The following GCLC variants were observed in gnomAD, a reference collection of about 807,000 sequenced individuals.
The protein encoded by GCLC is glutamate--cysteine ligase catalytic subunit.
Under a neutral mutation model 81.5 loss-of-function variants are expected in GCLC, and 30 were observed. The ratio of observed to expected loss-of-function variants is 0.37; its 90% CI spans 0.28 to 0.50. The LOEUF (loss-of-function observed/expected upper bound fraction) is 0.50, where lower values mean the gene tolerates loss of function less well. Ranked by LOEUF, GCLC falls within the 20% of genes least tolerant of loss-of-function variation. GCLC has a pLI of 0.96. For synonymous variants in GCLC, 262 were observed against 273.3 expected (o/e 0.96, Z 0.41); for missense variants, 556 against 777.4 (o/e 0.72, Z 3.39).
At chr6:53,537,656 T>TA (rs59965759) in intron 1 of GCLC, among the ~76,000 whole-genome samples, 2 of 148,176 alleles carry the variant, frequency 1.3e-5, no homozygotes, top group South Asian at 2.1e-4. Context: ...TACATAATAT[T>TA]AAAAAAAAGA....
chr6:53,516,340 G>T, intron 3 of GCLC, 118 bp from the exon 4 acceptor site: 1 of 721,742 alleles, frequency 1.4e-6, no homozygotes. Context: ...CTTTTCAGAG[G>T]GCTTTGTGTT....
At chr6:53,543,445 GA>G (rs11290203) in intron 1 of GCLC, among the ~76,000 whole-genome samples, 101,432 of 145,224 alleles carry the variant, frequency 0.7, 34,618 homozygotes, top group East Asian at 0.88. Context: ...CCCAATCTTA[GA>G]AAAAAAAAAA....
intron 6 of GCLC, 198 bp downstream of exon 6, chr6:53,514,004 CAG>C: frequency 1.6e-6 from 1 of 611,674 alleles, no homozygotes. Flanking sequence ...TGGTGAACAA[CAG>C]AGTCTGTAGA....
intron 12 of GCLC, 86 bp from the exon 13 acceptor site, chr6:53,500,599 G>A (rs1182345235): frequency 2.0e-5 from 18 of 922,388 alleles, no homozygotes; most frequent in Non-Finnish European, 3.2e-5. Context: ...TTTGCAATTA[G>A]GACTCATTCC....
chr6:53,535,691 T>C (rs903968123), intron 1 of GCLC, among the ~76,000 whole-genome samples: 5 of 152,110 alleles, frequency 3.3e-5, no homozygotes, highest in Non-Finnish European at 5.9e-5. Context: ...GATACACACA[T>C]GACAAATCGG....
At chr6:53,503,973 T>C (rs948695756) in intron 12 of GCLC, among the ~76,000 whole-genome samples, 1 of 152,172 alleles carries the variant, frequency 6.6e-6, no homozygotes. Context: ...ATAATACTTG[T>C]TTTATGGATG....
chr6:53,531,364 G>A (rs7758764), intron 1 of GCLC, among the ~76,000 whole-genome samples: 25,241 of 152,070 alleles, frequency 0.17, 3,109 homozygotes, highest in Admixed American at 0.33. Flanking sequence ...TTCACAGAGC[G>A]CTTGTTTTAG....
In GCLC at chr6:53,514,500, A is replaced by G. The variant is rs1764824858; in HGVS notation, c.561-3T>C. ...GTCGGATATTTCTTGTTAAGGTACTAAAACAGACAACCAAACGTCATAAAT... is the reference window on the plus strand; with the variant it reads ...GTCGGATATTTCTTGTTAAGGTACTGAAACAGACAACCAAACGTCATAAAT... On this transcript the variant is annotated splice_region_variant and splice_polypyrimidine_tract_variant and intron_variant, in intron 4 of 15. Transcript: ENST00000650454. 2 of 1,610,558 alleles carry G rather than the reference A, an allele frequency of 1.2e-6. No individual in the cohort carries two copies. Among genetic ancestry groups the G allele is most frequent in the African/African-American group, 2.7e-5 (2 of 74,878 alleles).
rs1174678861 is a variant in GCLC at position 53,498,735 on chromosome 6, A to T, written c.*21T>A. The T allele has an allele frequency of 6.7e-7, 1 of 1,488,316 alleles. No individual in the cohort carries two copies. The highest frequency in any genetic ancestry group is 9.4e-7 in the Non-Finnish European group (1 of 1,066,678). The allele number at this position is 1,488,316 out of a possible 1,614,324, so 92.2% of individuals were successfully genotyped here. On this transcript the variant is annotated 3_prime_UTR_variant, in exon 16 of 16. Coordinates refer to ENST00000650454, the MANE Select transcript of GCLC (RefSeq NM_001498.4). Reference sequence around the variant, plus strand: ...ACTGTAGCCAGTTCGTCAATAATGCATTTTTCTTTCTGTAGAATGTCTAGT... The same window carrying T: ...ACTGTAGCCAGTTCGTCAATAATGCTTTTTTCTTTCTGTAGAATGTCTAGT...
Position 53,507,023 on chromosome 6 carries a change from T to C in GCLC, c.1087A>G (p.Ile363Val). The change falls in exon 10 of 16, where the codon ATT (isoleucine) becomes GTT (valine). Residue 363 changes from isoleucine (I) to valine (V), a missense_variant and splice_region_variant. By Grantham distance (29) the Ile-to-Val change is conservative (BLOSUM62 3). Coordinates refer to ENST00000650454, the MANE Select transcript of GCLC (RefSeq NM_001498.4). ...EIYEQLLQEGIDHLLAQHVAH... is the reference protein window; with the variant it reads ...EIYEQLLQEGVDHLLAQHVAH... ...ACATGCTGGGCCAGGAGATGATCAA[T>C]GCCTGCAAAAAGAGATCACATGGGA... The C allele has an allele frequency of 6.4e-7, 1 of 1,564,922 alleles. No homozygotes were observed. Among genetic ancestry groups the C allele is most frequent in the Non-Finnish European group, 8.8e-7 (1 of 1,135,168 alleles).
Position 53,544,653 on chromosome 6 carries a change from C to CCCTCCTCCCCCTCCT in GCLC, c.-9_-8insAGGAGGGGGAGGAGG. ...CTGGGACAGCAGCCCCATGGCCGCC[C>CCCTCCTCCCCCTCCT]CCTCCTCCTCCTCCTCCTCCTCCGG... is the stretch of plus-strand genomic sequence containing the variant. On this transcript the variant is annotated 5_prime_UTR_variant, in exon 1 of 16. Coordinates refer to ENST00000650454, the MANE Select transcript of GCLC (RefSeq NM_001498.4). The CCCTCCTCCCCCTCCT allele has an allele frequency of 6.4e-7, 1 of 1,550,856 alleles. No homozygotes were observed. Among genetic ancestry groups the CCCTCCTCCCCCTCCT allele is most frequent in the Middle Eastern group, 1.7e-4 (1 of 5,772 alleles).
At chr6:53,528,402 G>A (rs1051354333) in intron 1 of GCLC, among the ~76,000 whole-genome samples, 4 of 152,052 alleles carry the variant, frequency 2.6e-5, no homozygotes, top group African/African-American at 9.7e-5. Flanking sequence ...ATGTGCTTTT[G>A]TGTACATGAC....
At chr6:53,509,136 T>G (rs1308242993) in intron 7 of GCLC, 40 bp downstream of exon 7, 2 of 1,186,132 alleles carry the variant, frequency 1.7e-6, no homozygotes, top group Admixed American at 3.4e-5. Context: ...TCTTATTTCA[T>G]ACGAAGTAGT....
At chr6:53,514,554 A>G (rs17881444) in intron 4 of GCLC, 57 bp from the exon 5 acceptor site, 21,545 of 1,234,222 alleles carry the variant, frequency 0.017, 288 homozygotes, top group Middle Eastern at 0.07. Context: ...CGTGTAAAAG[A>G]AGAATTTGAT....
chr6:53,511,089 A>G (rs1283856065), intron 6 of GCLC, among the ~76,000 whole-genome samples: 2 of 151,846 alleles, frequency 1.3e-5, no homozygotes, highest in Admixed American at 6.6e-5. Context: ...TTGCTGAAGT[A>G]GAAGCTCCAG....
At chr6:53,525,376 G>A (rs944743125) in intron 1 of GCLC, among the ~76,000 whole-genome samples, 3 of 152,102 alleles carry the variant, frequency 2.0e-5, no homozygotes, top group African/African-American at 4.8e-5. Context: ...CGCAATAACC[G>A]AGATGATTGG....
Position 53,498,925 on chromosome 6 carries a change from G to A in GCLC, c.1745C>T (p.Ala582Val), listed in dbSNP as rs1764439935. ...GTCTTGCTTGTAGTCAGGATGGTTT[G>A]CGATAAACTCCCTCATCCATCTGGC... is the stretch of plus-strand genomic sequence containing the variant. ...TVARWMREFIANHPDYKQDSV... is the reference protein window; with the variant it reads ...TVARWMREFIVNHPDYKQDSV... The change falls in exon 16 of 16, where the codon GCA becomes GTA. Residue 582 changes from alanine to valine, a missense_variant. Transcript: ENST00000650454. The A allele has an allele frequency of 1.2e-6, 2 of 1,613,418 alleles. No individual in the cohort carries two copies. Among genetic ancestry groups the A allele is most frequent in the South Asian group, 2.2e-5 (2 of 91,070 alleles).
At chr6:53,533,606 C>T (rs1371777604) in intron 1 of GCLC, among the ~76,000 whole-genome samples, 1 of 151,982 alleles carries the variant, frequency 6.6e-6, no homozygotes, top group East Asian at 1.9e-4. Flanking sequence ...GTAGAATTTA[C>T]CGATTTTCAT....
rs1349509925 is a variant in GCLC, at chr6:53,508,845, T to A, written c.829-134A>T. On this transcript the variant is annotated intron_variant, in intron 7 of 15. Transcript: ENST00000650454. ...TACAGAGCACATGTACCTGTGCCTATCTTACAGTGAAATATACCAGGAAGA... is the reference window on the plus strand; with the variant it reads ...TACAGAGCACATGTACCTGTGCCTAACTTACAGTGAAATATACCAGGAAGA... The A allele has an allele frequency of 2.8e-5, 20 of 715,906 alleles. No homozygotes were observed. In the Admixed American group the frequency reaches 4.0e-4, roughly 14 times the overall value. The allele number at this position is 715,906 out of a possible 1,614,324, so 44.3% of individuals were successfully genotyped here. A position where few individuals can be genotyped will look rare whatever the true frequency, so the allele number is the denominator to read the frequency against.
Sources: gnomAD v4.1 joint callset for allele counts (sites outside exome capture counted in the v4.1 genomes callset) on GRCh38, gnomAD v4.1.1 for gene constraint, MANE v1.5 for transcripts, NCBI Gene and HGNC (gene_info 2026-07-23, HGNC 2026-07-21) for gene names.